ST6GALNAC3: variants seen among roughly 807,000 people sequenced by gnomAD.
ST6GALNAC3 encodes alpha-N-acetylgalactosaminide alpha-2,6-sialyltransferase 3.
ST6GALNAC3 carries 25 observed loss-of-function variants against 32.7 expected under a neutral mutation model. The observed-to-expected ratio is 0.76, with a 90% CI of 0.56 to 1.07. The LOEUF (loss-of-function observed/expected upper bound fraction) is 1.07, where lower values mean the gene tolerates loss of function less well. Among genes scored for constraint, ST6GALNAC3 ranks in the 50% least tolerant of loss-of-function variants. The probability of loss-of-function intolerance (pLI) is 0.00; values close to 1 mark genes in which losing one functional copy is unlikely to be tolerated. For synonymous variants in ST6GALNAC3, 129 were observed against 133.1 expected (o/e 0.97, Z 0.21); for missense variants, 355 against 382.4 (o/e 0.93, Z 0.60).
In ST6GALNAC3 at chr1:76,630,824, G is replaced by A; in HGVS notation, c.*2018G>A. The A allele has an allele frequency of 1.0e-6, 1 of 985,368 alleles. No homozygotes were observed. Among genetic ancestry groups the A allele is most frequent in the African/African-American group, 1.7e-5 (1 of 57,242 alleles). The allele number at this position is 985,368 out of a possible 1,614,324, so 61.0% of individuals were successfully genotyped here. A position where few individuals can be genotyped will look rare whatever the true frequency, so the allele number is the denominator to read the frequency against. On this transcript the variant is annotated 3_prime_UTR_variant, in exon 5 of 5. Coordinates refer to ENST00000328299, the MANE Select transcript of ST6GALNAC3 (RefSeq NM_152996.4). ...TTCTATGAATGTTAAGTTTTTTTGA[G>A]CTAATGATAGATAGAAATGCCCACT...
intron 3 of ST6GALNAC3, among the ~76,000 whole-genome samples, chr1:76,627,082 AG>A (rs1267093624): frequency 6.6e-6 from 1 of 152,026 alleles, no homozygotes; most frequent in African/African-American, 2.4e-5. Flanking sequence ...CTGGGCTCCA[AG>A]CAACTTTAAG....
At chr1:76,310,006 G>A in intron 1 of ST6GALNAC3, 1 of 497,202 alleles carries the variant, frequency 2.0e-6, no homozygotes, top group South Asian at 1.5e-5. Flanking sequence ...GCACACAACA[G>A]TGGATTCAGA....
intron 1 of ST6GALNAC3, among the ~76,000 whole-genome samples, chr1:76,246,121 T>G (rs1429671436): frequency 6.6e-6 from 1 of 152,194 alleles, no homozygotes. Context: ...TTTAGGATAG[T>G]TAGCTTTTCT....
chr1:76,636,388 T>A (rs1321988433), downstream of ST6GALNAC3, among the ~76,000 whole-genome samples: 1 of 152,220 alleles, frequency 6.6e-6, no homozygotes, highest in Non-Finnish European at 1.5e-5. Flanking sequence ...TAGCCTTTTT[T>A]TTCAGCTCTC....
chr1:76,269,011 G>T (rs754675386), intron 1 of ST6GALNAC3, among the ~76,000 whole-genome samples: 1 of 152,090 alleles, frequency 6.6e-6, no homozygotes, highest in Non-Finnish European at 1.5e-5. Flanking sequence ...GGCATTTAAT[G>T]TTATTACTAC....
Position 76,351,065 on chromosome 1 carries a change from C to T in ST6GALNAC3, c.213+37066C>T, listed in dbSNP as rs575087979. ...GTCCCAGATCTTACATACTAATCAGCTTTCACTGAGAGATTAATTTACTAG... is the reference window on the plus strand; with the variant it reads ...GTCCCAGATCTTACATACTAATCAGTTTTCACTGAGAGATTAATTTACTAG... On this transcript the variant is annotated intron_variant, in intron 2 of 4. Coordinates refer to ENST00000328299, the MANE Select transcript of ST6GALNAC3 (RefSeq NM_152996.4). Among the ~76,000 whole-genome samples the T allele has an allele frequency of 3.6e-4, 55 of 152,246 alleles. No individual in the cohort carries two copies. The Middle Eastern group carries it at 0.017, about 47-fold the overall frequency.
chr1:76,578,862 A>T (rs531380209), intron 3 of ST6GALNAC3, among the ~76,000 whole-genome samples: 155 of 152,162 alleles, frequency 1.0e-3, no homozygotes, highest in African/African-American at 3.5e-3. Context: ...AAACAATTTC[A>T]AGCAGAATAT....
At chr1:76,569,729 T>G (rs940665946) in intron 3 of ST6GALNAC3, among the ~76,000 whole-genome samples, 1 of 152,132 alleles carries the variant, frequency 6.6e-6, no homozygotes, top group African/African-American at 2.4e-5. Flanking sequence ...GGCTGCAGGT[T>G]AGTTTATACC....
chr1:76,172,930 A>G (rs898823821), intron 1 of ST6GALNAC3, among the ~76,000 whole-genome samples: 2 of 152,214 alleles, frequency 1.3e-5, no homozygotes, highest in African/African-American at 4.8e-5. Context: ...TTACAGATTC[A>G]ATGCTATTCC....
intron 1 of ST6GALNAC3, among the ~76,000 whole-genome samples, chr1:76,210,731 A>G (rs1017917879): frequency 4.6e-5 from 7 of 152,018 alleles, no homozygotes; most frequent in African/African-American, 1.7e-4. Flanking sequence ...CTGTGCATAT[A>G]TTCCTACTGT....
chr1:76,558,271 C>T (rs1461138324), intron 3 of ST6GALNAC3, among the ~76,000 whole-genome samples: 2 of 152,092 alleles, frequency 1.3e-5, no homozygotes, highest in Non-Finnish European at 2.9e-5. Context: ...ATAAATTGTT[C>T]TACCAAATGA....
At chr1:76,453,498 T>C (rs1206173504) in intron 3 of ST6GALNAC3, among the ~76,000 whole-genome samples, 1 of 152,124 alleles carries the variant, frequency 6.6e-6, no homozygotes, top group Admixed American at 6.6e-5. Context: ...TTCAATTCAA[T>C]GAATTTTTAA....
intron 3 of ST6GALNAC3, among the ~76,000 whole-genome samples, chr1:76,579,127 G>A (rs1646855021): frequency 1.3e-5 from 2 of 151,946 alleles, no homozygotes; most frequent in Admixed American, 6.6e-5. Flanking sequence ...CTGATCTTTT[G>A]GATACATGAA....
intron 1 of ST6GALNAC3, among the ~76,000 whole-genome samples, chr1:76,193,474 A>G (rs1654022505): frequency 6.6e-6 from 1 of 151,998 alleles, no homozygotes; most frequent in Non-Finnish European, 1.5e-5. Context: ...TAACATAACT[A>G]CGGTATATTT....
At chr1:76,304,358 C>G (rs1660909662) in intron 1 of ST6GALNAC3, among the ~76,000 whole-genome samples, 1 of 152,018 alleles carries the variant, frequency 6.6e-6, no homozygotes, top group Admixed American at 6.6e-5. Context: ...TCCCTCTTCC[C>G]TCTTTCCTCC....
intron 2 of ST6GALNAC3, among the ~76,000 whole-genome samples, chr1:76,326,237 C>T (rs1177358063): frequency 6.6e-6 from 1 of 152,136 alleles, no homozygotes. Flanking sequence ...GCACAAAAGA[C>T]TAAGTTCAAT....
intron 3 of ST6GALNAC3, among the ~76,000 whole-genome samples, chr1:76,478,269 C>T (rs893443485): frequency 6.6e-6 from 1 of 152,198 alleles, no homozygotes; most frequent in Non-Finnish European, 1.5e-5. Context: ...CTGCCTCACT[C>T]ACCTTGCAGT....
intron 3 of ST6GALNAC3, among the ~76,000 whole-genome samples, chr1:76,475,716 T>C (rs1021064153): frequency 1.4e-4 from 21 of 152,196 alleles, no homozygotes; most frequent in Non-Finnish European, 1.2e-4. Context: ...TATTTTTTAT[T>C]CTACTTTTAT....
chr1:76,511,788 T>C (rs1472398877), intron 3 of ST6GALNAC3, among the ~76,000 whole-genome samples: 1 of 152,186 alleles, frequency 6.6e-6, no homozygotes, highest in Non-Finnish European at 1.5e-5. Flanking sequence ...CTCTTGAATA[T>C]AGTGAAAATG....
Sources: allele counts gnomAD v4.1 joint callset (sites outside exome capture counted in the v4.1 genomes callset), GRCh38; gene constraint gnomAD v4.1.1; transcripts MANE v1.5; gene names NCBI Gene and HGNC (gene_info 2026-07-23, HGNC 2026-07-21).